The following ABLIM2 variants were observed in gnomAD, a reference collection of about 807,000 sequenced individuals.
ABLIM2 encodes actin binding LIM protein family member 2.
Under a neutral mutation model 97.7 loss-of-function variants are expected in ABLIM2, and 53 were observed. The observed-to-expected ratio is 0.54, with a 90% CI of 0.44 to 0.68. ABLIM2 has a LOEUF of 0.68. ABLIM2 is among the 30% of genes least tolerant of loss of function. The pLI, the probability that ABLIM2 is intolerant of heterozygous loss-of-function variation, is 0.00. For missense variants in ABLIM2, 835 were observed against 867.2 expected, an observed-to-expected ratio of 0.96 and a Z score of 0.47; for synonymous variants, 361 against 345.8, an observed-to-expected ratio of 1.04 and a Z score of -0.49.
chr4:8,001,924 G>C lies in ABLIM2; in HGVS notation c.1618+6135C>G, dbSNP rs533668662. Among the ~76,000 whole-genome samples the C allele has an allele frequency of 2.0e-5, 3 of 152,310 alleles. No individual in the cohort carries two copies. In the East Asian group the frequency reaches 5.8e-4, roughly 29 times the overall value. On this transcript the variant is annotated intron_variant, in intron 16 of 20. Transcript: ENST00000447017. The surrounding 1 kb of genome is among the most constrained non-coding windows in gnomAD (Gnocchi z 4.2). ...CCCGCTTGTCAGCACACACATGTGC[G>C]TGCTCTCTCTCTCTTTTTCTTGCTC...
chr4:8,107,870 G>A (rs1838254404), intron 1 of ABLIM2, among the ~76,000 whole-genome samples: 1 of 152,198 alleles, frequency 6.6e-6, no homozygotes, highest in African/African-American at 2.4e-5. Context: ...TGCGGCTGTG[G>A]CCAGAGGGAG....
chr4:8,113,015 G>C lies in ABLIM2; in HGVS notation c.11-6378C>G, dbSNP rs1841123896. Among the ~76,000 whole-genome samples the C allele has an allele frequency of 6.6e-6, 1 of 152,202 alleles. No homozygotes were observed. Among genetic ancestry groups the C allele is most frequent in the Admixed American group, 6.5e-5 (1 of 15,280 alleles). On this transcript the variant is annotated intron_variant, in intron 1 of 20. Transcript: ENST00000447017. This position sits in a 1 kb window ranked among gnomAD's most constrained non-coding sequence, Gnocchi z 4.5. ...CCAGGCCAAAAGGGCATAGGCAGGG[G>C]GGCAAACTCCTCTTTCTGTCCAGCG... is the stretch of plus-strand genomic sequence containing the variant.
In ABLIM2 at chr4:8,001,435, G is replaced by T. The variant is rs368301478; in HGVS notation, c.1618+6624C>A. The stretch of plus-strand genomic sequence containing the variant: ...AGTCCCCAGGCAACCCAACGGCAGC[G>T]GCTGCTCCCTGGGGCTCCAGAGCCC... On this transcript the variant is annotated intron_variant, in intron 16 of 20. Transcript: ENST00000447017. This position sits in a 1 kb window ranked among gnomAD's most constrained non-coding sequence, Gnocchi z 4.2. Among the ~76,000 whole-genome samples, 5 of 152,274 alleles carry T rather than the reference G, an allele frequency of 3.3e-5. No homozygotes were observed. In the East Asian group the frequency reaches 7.7e-4, roughly 24 times the overall value.
In ABLIM2 at chr4:8,035,766, AC is replaced by A. The variant is rs1698708805; in HGVS notation, c.1047+382del. ...GCAGAGCCATGGCAGCGAGGGTGGC[AC>A]GGGCCAAGAGTCCGCTACAGAGGAA... On this transcript the variant is annotated intron_variant, in intron 10 of 20. Coordinates refer to ENST00000447017, the MANE Select transcript of ABLIM2 (RefSeq NM_001130083.2). Among the ~76,000 whole-genome samples, 6 of 152,234 alleles carry A rather than the reference AC, an allele frequency of 3.9e-5. No homozygotes were observed. The South Asian group carries it at 1.2e-3, about 31-fold the overall frequency.
chr4:8,084,151 G>A (rs1001151406), intron 4 of ABLIM2, among the ~76,000 whole-genome samples: 1 of 152,198 alleles, frequency 6.6e-6, no homozygotes, highest in African/African-American at 2.4e-5. Flanking sequence ...AACTTGGCTT[G>A]CAGCTTCATT....
At chr4:8,117,906 C>T (rs1012023738) in intron 1 of ABLIM2, among the ~76,000 whole-genome samples, 1 of 152,240 alleles carries the variant, frequency 6.6e-6, no homozygotes, top group Non-Finnish European at 1.5e-5. Context: ...CCCCAGTGAT[C>T]AACTGTAAAG....
rs956224946 is a variant in ABLIM2, at chr4:8,032,310, G to A, written c.1048-2534C>T. ...GCTTCCACACAACCCACGTGGAGGG[G>A]CAGGAGGCAGGAAGCGCTCCCAGGC... On this transcript the variant is annotated intron_variant, in intron 10 of 20. Coordinates refer to ENST00000447017, the MANE Select transcript of ABLIM2 (RefSeq NM_001130083.2). The surrounding 1 kb of genome is among the most constrained non-coding windows in gnomAD (Gnocchi z 4.3). Among the ~76,000 whole-genome samples, 1 of 152,192 alleles carries A rather than the reference G, an allele frequency of 6.6e-6. No homozygotes were observed. The highest frequency in any genetic ancestry group is 6.5e-5 in the Admixed American group (1 of 15,284).
At chr4:8,080,424 A>G (rs932662726) in intron 5 of ABLIM2, among the ~76,000 whole-genome samples, 1 of 152,184 alleles carries the variant, frequency 6.6e-6, no homozygotes. Flanking sequence ...TCTCATCCAA[A>G]AAAAGGAGCC....
chr4:8,069,670 G>A lies in ABLIM2; in HGVS notation c.675+7958C>T, dbSNP rs1273922279. Among the ~76,000 whole-genome samples the A allele has an allele frequency of 2.6e-5, 4 of 152,088 alleles. No individual in the cohort carries two copies. The highest frequency in any genetic ancestry group is 9.7e-5 in the African/African-American group (4 of 41,438). ...GTCTTGGTTGTCTGTGTGCATTTCTGTGTGTCTCTGTGTGTGTTTGTGTGT... is the reference window on the plus strand; with the variant it reads ...GTCTTGGTTGTCTGTGTGCATTTCTATGTGTCTCTGTGTGTGTTTGTGTGT... On this transcript the variant is annotated intron_variant, in intron 6 of 20. Coordinates refer to ENST00000447017, the MANE Select transcript of ABLIM2 (RefSeq NM_001130083.2). This position sits in a 1 kb window ranked among gnomAD's most constrained non-coding sequence, Gnocchi z 4.2.
At chr4:8,121,778 G>A (rs1271144185) in intron 1 of ABLIM2, among the ~76,000 whole-genome samples, 2 of 152,222 alleles carry the variant, frequency 1.3e-5, no homozygotes, top group African/African-American at 4.8e-5. Flanking sequence ...CTGAGTGACT[G>A]CAGGGCACTG....
chr4:8,079,339 G>A (rs1432786569), intron 5 of ABLIM2, among the ~76,000 whole-genome samples: 1 of 152,226 alleles, frequency 6.6e-6, no homozygotes, highest in African/African-American at 2.4e-5. Flanking sequence ...AGCTCTGGAG[G>A]CTGCTAAGTA....
intron 7 of ABLIM2, among the ~76,000 whole-genome samples, chr4:8,059,493 C>T (rs1032424661): frequency 6.6e-5 from 10 of 152,108 alleles, no homozygotes; most frequent in African/African-American, 2.4e-4. Flanking sequence ...GCACTCCTCC[C>T]CCTTGCCTAA....
rs372239879 is a variant in ABLIM2 at position 8,026,884 on chromosome 4, AGTGT to A, written c.1267+871_1267+874del. On this transcript the variant is annotated intron_variant, in intron 12 of 20. Coordinates refer to ENST00000447017, the MANE Select transcript of ABLIM2 (RefSeq NM_001130083.2). Reference sequence around the variant, plus strand: ...TGTGTCTGCAGTGGCCTTTTACCTGAGTGTGTGTGTCTGCAGTGGCCTTTTACCT... The same window carrying A: ...TGTGTCTGCAGTGGCCTTTTACCTGAGTGTGTCTGCAGTGGCCTTTTACCT... Among the ~76,000 whole-genome samples the A allele has an allele frequency of 2.1e-5, 3 of 141,376 alleles. No homozygotes were observed. In the East Asian group the frequency reaches 6.1e-4, roughly 29 times the overall value. 92.7% of individuals were successfully genotyped at this position (141,376 alleles called of 152,430 possible).
rs749881620 is a variant in ABLIM2, at chr4:8,071,640, G to A, written c.675+5988C>T. 10 of 924,740 alleles carry A rather than the reference G, an allele frequency of 1.1e-5. No individual in the cohort carries two copies. The highest frequency in any genetic ancestry group is 1.3e-5 in the Non-Finnish European group (10 of 774,714). 57.3% of individuals were successfully genotyped at this position (924,740 alleles called of 1,614,324 possible). A position where few individuals can be genotyped will look rare whatever the true frequency, so the allele number is the denominator to read the frequency against. ...AAGCGCCTTAGGGGGCAAAACGGGG[G>A]TGGGGGAACAGGTGGCTCCGAGGTC... On this transcript the variant is annotated intron_variant, in intron 6 of 20. Coordinates refer to ENST00000447017, the MANE Select transcript of ABLIM2 (RefSeq NM_001130083.2). This position sits in a 1 kb window ranked among gnomAD's most constrained non-coding sequence, Gnocchi z 6.2.
intron 3 of ABLIM2, among the ~76,000 whole-genome samples, chr4:8,094,625 C>T (rs1016324929): frequency 3.9e-5 from 6 of 152,170 alleles, no homozygotes; most frequent in African/African-American, 1.4e-4. Context: ...GGTCAGGGGT[C>T]GATCTTTAAC....
chr4:8,015,058 T>C lies in ABLIM2; in HGVS notation c.1423+4560A>G, dbSNP rs529851233. Among the ~76,000 whole-genome samples the C allele has an allele frequency of 2.6e-5, 4 of 152,168 alleles. No individual in the cohort carries two copies. The South Asian group carries it at 8.3e-4, about 32-fold the overall frequency. ...ACTTCAGCCTCCCGAGTAGCTGGGA[T>C]TACAGGCGCCGGCCACCACACTTGG... On this transcript the variant is annotated intron_variant, in intron 14 of 20. Transcript: ENST00000447017. The surrounding 1 kb of genome is among the most constrained non-coding windows in gnomAD (Gnocchi z 4.6).
Position 7,984,848 on chromosome 4 carries a change from C to T in ABLIM2, c.1726G>A (p.Gly576Ser). Residue 576 changes from glycine to serine, a missense_variant, in exon 18 of 21, where the codon GGC (glycine) becomes AGC (serine). Physicochemically the swap from Gly to Ser is moderately conservative, Grantham distance 56. Transcript: ENST00000447017. The part of the protein sequence containing the change: ...PCGADPDASW[G>S]MREYKIYPYD... ...TCCCCGCTCTGTGTACCTCGCATGC[C>T]CCAGCTGGCATCCGGGTCTGCTCCA... The T allele has an allele frequency of 5.6e-6, 9 of 1,604,684 alleles. No homozygotes were observed. Among genetic ancestry groups the T allele is most frequent in the Non-Finnish European group, 7.7e-6 (9 of 1,176,202 alleles).
At chr4:8,084,934 G>C (rs932930155) in intron 4 of ABLIM2, among the ~76,000 whole-genome samples, 1 of 152,208 alleles carries the variant, frequency 6.6e-6, no homozygotes, top group Non-Finnish European at 1.5e-5. Context: ...CGGCCGCCCT[G>C]TGACAGGCTC....
intron 1 of ABLIM2, among the ~76,000 whole-genome samples, chr4:8,134,213 C>T (rs1220758280): frequency 6.6e-6 from 1 of 152,236 alleles, no homozygotes; most frequent in African/African-American, 2.4e-5. Context: ...AAGGCCAGGA[C>T]TAAGCATGCC....
Sources: gnomAD v4.1 joint callset for allele counts (sites outside exome capture counted in the v4.1 genomes callset) on GRCh38, gnomAD v4.1.1 for gene constraint, Gnocchi (gnomAD v3.1) non-coding constraint, MANE v1.5 for transcripts, NCBI Gene and HGNC (gene_info 2026-07-23, HGNC 2026-07-21) for gene names.